The following PTPRT variants were observed in gnomAD, a reference collection of about 807,000 sequenced individuals.
The protein encoded by PTPRT is protein tyrosine phosphatase receptor type T.
PTPRT carries 56 observed loss-of-function variants against 176.8 expected under a neutral mutation model. The observed-to-expected ratio is 0.32, with a 90% CI of 0.26 to 0.40. PTPRT has a LOEUF of 0.40. Ranked by LOEUF, PTPRT falls within the 10% of genes least tolerant of loss-of-function variation. The pLI, the probability that PTPRT is intolerant of heterozygous loss-of-function variation, is 1.00. For missense variants in PTPRT, 1,540 were observed against 1,908.2 expected (o/e 0.81, Z 3.60); for synonymous variants, 783 against 739.0 (o/e 1.06, Z -0.96).
chr20:42,645,723 C>T (rs1456455615), intron 7 of PTPRT, among the ~76,000 whole-genome samples: 1 of 150,270 alleles, frequency 6.7e-6, no homozygotes, highest in Non-Finnish European at 1.5e-5. Context: ...GACATGACTG[C>T]CACTAGCACC....
intron 5 of PTPRT, among the ~76,000 whole-genome samples, chr20:42,767,980 A>C (rs901094808): frequency 7.3e-5 from 3 of 41,264 alleles, no homozygotes; most frequent in African/African-American, 3.0e-4. Context: ...AAAATTATAC[A>C]CACACACACA....
intron 9 of PTPRT, among the ~76,000 whole-genome samples, chr20:42,415,558 G>C (rs554634972): frequency 6.6e-6 from 1 of 152,192 alleles, no homozygotes; most frequent in African/African-American, 2.4e-5. Context: ...GCATGGTAGT[G>C]GGGAAGAATA....
At chr20:42,848,598 T>C (rs371959766) in intron 2 of PTPRT, among the ~76,000 whole-genome samples, 19 of 152,392 alleles carry the variant, frequency 1.2e-4, no homozygotes, top group African/African-American at 4.3e-4. Context: ...TTTTTTCATA[T>C]GTTTGTTGGC....
chr20:43,171,912 C>T (rs2015010733), intron 1 of PTPRT, among the ~76,000 whole-genome samples: 1 of 152,204 alleles, frequency 6.6e-6, no homozygotes, highest in Non-Finnish European at 1.5e-5. Context: ...CATCTCCTAC[C>T]AGTGCCAAAC....
chr20:42,415,654 T>G (rs2059059727), intron 9 of PTPRT, among the ~76,000 whole-genome samples: 1 of 152,202 alleles, frequency 6.6e-6, no homozygotes, highest in Non-Finnish European at 1.5e-5. Context: ...GGACTTGGCA[T>G]TTAGGAAATA....
intron 7 of PTPRT, among the ~76,000 whole-genome samples, chr20:42,532,999 C>A (rs1038577368): frequency 1.3e-5 from 2 of 152,140 alleles, no homozygotes; most frequent in African/African-American, 4.8e-5. Context: ...GGAGCCCCAG[C>A]AGCGCCTTTT....
At chr20:42,083,118 C>CAAAAAAAAA (rs3084622) in intron 29 of PTPRT, among the ~76,000 whole-genome samples, 9 of 60,016 alleles carry the variant, frequency 1.5e-4, no homozygotes, top group South Asian at 1.1e-3. Flanking sequence ...GACACTAGTG[C>CAAAAAAAAA]AAAAAAAAAA....
chr20:42,102,191 C>T lies in PTPRT; in HGVS notation c.3647G>A (p.Arg1216His), dbSNP rs372700928. The stretch of plus-strand genomic sequence containing the variant: ...CACTGAGATAAGGAAGGGCAGGCAG[C>T]GGTCCAGAGGCAGCACGTCCATACT... ...NRSMDVLPLD[R>H]CLPFLISVDG... is the part of the protein sequence containing the mutation. The change falls in exon 26 of 31, where the codon CGC becomes CAC. Residue 1216 changes from arginine to histidine, a missense_variant. Physicochemically the swap from Arg to His is conservative, Grantham distance 29. Coordinates refer to ENST00000373187, the MANE Select transcript of PTPRT (RefSeq NM_007050.6). 180 of 1,614,156 alleles carry T rather than the reference C, an allele frequency of 1.1e-4. No homozygotes were observed. Among genetic ancestry groups the T allele is most frequent in the Non-Finnish European group, 1.4e-4 (171 of 1,180,014 alleles).
chr20:42,381,696 G>T (rs150807961), intron 9 of PTPRT, among the ~76,000 whole-genome samples: 118 of 152,152 alleles, frequency 7.8e-4, no homozygotes, highest in African/African-American at 2.6e-3. Context: ...GGGGGAAGAA[G>T]GGAAGGGAGA....
At chr20:42,062,942 C>T in the PTPRT span, among the ~76,000 whole-genome samples, 3 of 152,222 alleles carry the variant, frequency 2.0e-5, no homozygotes, top group African/African-American at 7.2e-5. Flanking sequence ...TCAGGTTCAG[C>T]CAGCATCCTG....
rs865863950 is a variant in PTPRT at position 43,052,957 on chromosome 20, T to C, written c.88+136689A>G. ...CCAAAGATGTGAAAATGTAAAGATG[T>C]TCAAACAAAACACTGTACCTGAAAC... On this transcript the variant is annotated intron_variant, in intron 1 of 30. Transcript: ENST00000373187. Among the ~76,000 whole-genome samples, 6 of 152,226 alleles carry C rather than the reference T, an allele frequency of 3.9e-5. No homozygotes were observed. The Middle Eastern group carries it at 0.017, about 431-fold the overall frequency.
intron 7 of PTPRT, among the ~76,000 whole-genome samples, chr20:42,496,780 T>C (rs548527177): frequency 1.3e-5 from 2 of 152,278 alleles, no homozygotes; most frequent in South Asian, 4.1e-4. Context: ...GCAGTTTTCA[T>C]GGTTTTTTGT....
intron 16 of PTPRT, among the ~76,000 whole-genome samples, chr20:42,173,977 A>G (rs1321272512): frequency 6.6e-6 from 1 of 152,224 alleles, no homozygotes; most frequent in African/African-American, 2.4e-5. Context: ...CGCCTAAAGA[A>G]TTTTATAAAC....
chr20:42,369,025 C>T (rs746467768), intron 9 of PTPRT, among the ~76,000 whole-genome samples: 15 of 151,084 alleles, frequency 9.9e-5, no homozygotes, highest in Non-Finnish European at 1.9e-4. Flanking sequence ...TTTCCCCTTC[C>T]TTCCTCCCTT....
intron 2 of PTPRT, among the ~76,000 whole-genome samples, chr20:42,825,073 T>G (rs1453247398): frequency 6.6e-6 from 1 of 152,080 alleles, no homozygotes. Flanking sequence ...TTCCTAATAT[T>G]AGCAAATAGT....
intron 13 of PTPRT, among the ~76,000 whole-genome samples, chr20:42,259,445 G>C (rs1010392679): frequency 3.3e-5 from 5 of 152,150 alleles, no homozygotes; most frequent in African/African-American, 1.2e-4. Flanking sequence ...AGGTTTCACC[G>C]TTGGTGAGCT....
intron 1 of PTPRT, among the ~76,000 whole-genome samples, chr20:42,970,277 C>G (rs569305292): frequency 6.6e-6 from 1 of 152,294 alleles, no homozygotes; most frequent in Non-Finnish European, 1.5e-5. Context: ...TGTTTCAAAT[C>G]AAGAGTCAAA....
intron 1 of PTPRT, among the ~76,000 whole-genome samples, chr20:43,001,354 T>C (rs911301143): frequency 3.9e-5 from 6 of 152,148 alleles, no homozygotes; most frequent in African/African-American, 9.6e-5. Context: ...GTCTAAATAA[T>C]TATGGCATAG....
At chr20:42,825,059 A>G (rs977216147) in intron 2 of PTPRT, among the ~76,000 whole-genome samples, 2 of 152,134 alleles carry the variant, frequency 1.3e-5, no homozygotes, top group Non-Finnish European at 2.9e-5. Flanking sequence ...TGAAACAGTG[A>G]TAATTCCTAA....
Sources: allele counts gnomAD v4.1 joint callset (sites outside exome capture counted in the v4.1 genomes callset), GRCh38; gene constraint gnomAD v4.1.1; transcripts MANE v1.5; gene names NCBI Gene and HGNC (gene_info 2026-07-23, HGNC 2026-07-21).